The following FSTL5 variants were observed in gnomAD, a reference collection of about 807,000 sequenced individuals.
The protein encoded by FSTL5 is follistatin like 5, also known as follistatin-related protein 5.
In FSTL5, 62 loss-of-function variants were observed where a neutral mutation model predicts 89.1. That is an observed-to-expected ratio of 0.70 (90% CI 0.57 to 0.86). FSTL5 has a LOEUF of 0.86. Among genes scored for constraint, FSTL5 ranks in the 40% least tolerant of loss-of-function variants. The probability of loss-of-function intolerance (pLI) is 0.00; values close to 1 mark genes in which losing one functional copy is unlikely to be tolerated. For synonymous variants in FSTL5, 383 were observed against 346.2 expected (o/e 1.11, Z -1.18); for missense variants, 1,057 against 1,001.6 (o/e 1.06, Z -0.75).
chr4:161,782,006 T>C (rs974350856), intron 4 of FSTL5, among the ~76,000 whole-genome samples: 8 of 152,176 alleles, frequency 5.3e-5, no homozygotes, highest in Admixed American at 5.2e-4. Flanking sequence ...TAGATTTTTT[T>C]CAAATTGGCT....
At chr4:161,447,901 A>G (rs1733003531) in intron 15 of FSTL5, among the ~76,000 whole-genome samples, 1 of 152,104 alleles carries the variant, frequency 6.6e-6, no homozygotes, top group African/African-American at 2.4e-5. Context: ...TTGACAAACA[A>G]TTTATGAATA....
At chr4:161,494,344 A>T (rs1401212841) in intron 12 of FSTL5, among the ~76,000 whole-genome samples, 4 of 152,186 alleles carry the variant, frequency 2.6e-5, no homozygotes, top group Admixed American at 6.6e-5. Context: ...GGGGAAATGA[A>T]TTGTTTGCAT....
At chr4:161,446,499 A>T (rs997890814) in intron 15 of FSTL5, among the ~76,000 whole-genome samples, 2 of 152,042 alleles carry the variant, frequency 1.3e-5, no homozygotes, top group Admixed American at 6.6e-5. Context: ...TCATAAAGTA[A>T]GATGCTATAA....
intron 6 of FSTL5, among the ~76,000 whole-genome samples, chr4:161,669,474 C>A (rs72689108): frequency 0.35 from 53,137 of 151,654 alleles, 9,574 homozygotes; most frequent in Middle Eastern, 0.53. Context: ...AATAGAGAGG[C>A]CAGAAATAGA....
rs774053812 is a variant in FSTL5 at position 161,707,586 on chromosome 4, C to T, written c.728-51092G>A. Among the ~76,000 whole-genome samples the T allele has an allele frequency of 6.6e-5, 10 of 151,858 alleles. 1 individual carries two copies. Among genetic ancestry groups the T allele is most frequent in the Admixed American group, 6.6e-4 (10 of 15,228 alleles). On this transcript the variant is annotated intron_variant, in intron 6 of 15. Coordinates refer to ENST00000306100, the MANE Select transcript of FSTL5 (RefSeq NM_020116.5). ...ATGAAAATGAAGGCATTTAACATGT[C>T]TATTCTAACATTTTTCTTCCAATTT...
At chr4:161,587,313 A>T (rs76537463) in intron 8 of FSTL5, 142 bp downstream of exon 8, 3 of 606,896 alleles carry the variant, frequency 4.9e-6, no homozygotes, top group Middle Eastern at 4.7e-4. Flanking sequence ...TTTTTTACTT[A>T]AAAAACTTTT....
intron 11 of FSTL5, among the ~76,000 whole-genome samples, chr4:161,504,469 T>C (rs976731225): frequency 7.0e-6 from 1 of 143,064 alleles, no homozygotes. Flanking sequence ...CAGATTGTTT[T>C]TCGTTTTTGT....
intron 1 of FSTL5, among the ~76,000 whole-genome samples, chr4:162,124,582 A>G (rs1731995509): frequency 6.6e-6 from 1 of 152,224 alleles, no homozygotes; most frequent in Admixed American, 6.5e-5. Flanking sequence ...CTCTTTAATG[A>G]GATAATCTAT....
At chr4:161,638,039 G>A (rs1398120273) in intron 7 of FSTL5, among the ~76,000 whole-genome samples, 2 of 151,724 alleles carry the variant, frequency 1.3e-5, no homozygotes, top group African/African-American at 2.4e-5. Context: ...CATTGAATCT[G>A]TAAATTACCT....
At chr4:162,014,559 A>T (rs1278723626) in intron 3 of FSTL5, among the ~76,000 whole-genome samples, 1 of 152,248 alleles carries the variant, frequency 6.6e-6, no homozygotes, top group Non-Finnish European at 1.5e-5. Flanking sequence ...TGGAACTAAG[A>T]CCATAAAAGA....
intron 15 of FSTL5, among the ~76,000 whole-genome samples, chr4:161,421,844 T>TA (rs987616819): frequency 3.9e-5 from 6 of 152,284 alleles, no homozygotes; most frequent in African/African-American, 1.4e-4. Flanking sequence ...CTCAAATCTT[T>TA]AGAAAATGGC....
At chr4:161,634,146 A>G (rs140671884) in intron 7 of FSTL5, among the ~76,000 whole-genome samples, 130 of 152,364 alleles carry the variant, frequency 8.5e-4, no homozygotes, top group African/African-American at 2.9e-3. Context: ...CCATGCTCCA[A>G]TATGACTTTG....
At chr4:161,675,194 A>G (rs1395238096) in intron 6 of FSTL5, among the ~76,000 whole-genome samples, 1 of 151,240 alleles carries the variant, frequency 6.6e-6, no homozygotes, top group Non-Finnish European at 1.5e-5. Context: ...ACTTACTCTC[A>G]TTAAGAAACG....
chr4:161,872,140 G>GTTTTTTTTTTTTTTTTTTTTT (rs1491313878), intron 4 of FSTL5, among the ~76,000 whole-genome samples: 22 of 67,494 alleles, frequency 3.3e-4, no homozygotes, highest in Non-Finnish European at 3.9e-4. Flanking sequence ...TTTTTTTTTT[G>GTTTTTTTTTTTTTTTTTTTTT]GTTTTTTTTT....
intron 4 of FSTL5, among the ~76,000 whole-genome samples, chr4:161,848,036 C>CAAAA (rs139315536): frequency 0.072 from 3,478 of 48,206 alleles, 792 homozygotes; most frequent in East Asian, 0.095. Context: ...GACTCCGTCT[C>CAAAA]AAAAAAAAAA....
chr4:161,625,895 C>T (rs970175328), intron 7 of FSTL5, among the ~76,000 whole-genome samples: 1 of 151,974 alleles, frequency 6.6e-6, no homozygotes, highest in Non-Finnish European at 1.5e-5. Context: ...AAGATCAAAC[C>T]ACCCACAACA....
chr4:162,115,295 A>G (rs1187453646), intron 1 of FSTL5, among the ~76,000 whole-genome samples: 2 of 152,242 alleles, frequency 1.3e-5, no homozygotes, highest in African/African-American at 4.8e-5. Context: ...TGCTCAGAGA[A>G]TCATGATCAT....
intron 1 of FSTL5, among the ~76,000 whole-genome samples, chr4:162,122,285 A>G (rs1241228767): frequency 6.6e-6 from 1 of 152,126 alleles, no homozygotes; most frequent in Non-Finnish European, 1.5e-5. Flanking sequence ...GGCTGGGCTC[A>G]TAAACTGATT....
chr4:161,967,617 T>C (rs1735365784), intron 3 of FSTL5, among the ~76,000 whole-genome samples: 1 of 151,970 alleles, frequency 6.6e-6, no homozygotes, highest in Non-Finnish European at 1.5e-5. Flanking sequence ...CCTATCTTTT[T>C]TGTTATATTG....
Sources: allele counts gnomAD v4.1 joint callset (sites outside exome capture counted in the v4.1 genomes callset), GRCh38; gene constraint gnomAD v4.1.1; transcripts MANE v1.5; gene names NCBI Gene and HGNC (gene_info 2026-07-23, HGNC 2026-07-21).